The following HDAC9 variants were observed in gnomAD, a reference collection of about 807,000 sequenced individuals.
HDAC9 encodes the protein histone deacetylase 9.
HDAC9 carries 41 observed loss-of-function variants against 139.4 expected under a neutral mutation model. The observed-to-expected ratio is 0.29, with a 90% CI of 0.23 to 0.38. The LOEUF is 0.38. Among genes scored for constraint, HDAC9 ranks in the 10% least tolerant of loss-of-function variants. HDAC9 has a pLI of 1.00. For missense variants in HDAC9, 1,147 were observed against 1,297.0 expected (o/e 0.88, Z 1.78); for synonymous variants, 517 against 476.2 (o/e 1.09, Z -1.12).
chr7:18,682,376 T>C (rs1486657589), intron 12 of HDAC9, among the ~76,000 whole-genome samples: 1 of 152,054 alleles, frequency 6.6e-6, no homozygotes, highest in South Asian at 2.1e-4. Context: ...TTGTGTATGA[T>C]TAATTTTTCA....
chr7:18,260,233 C>T (rs1365774040), intron 2 of HDAC9, among the ~76,000 whole-genome samples: 1 of 151,000 alleles, frequency 6.6e-6, no homozygotes. Context: ...TATGACCATG[C>T]TTCTGAGTAT....
chr7:18,528,462 C>A (rs1345948807), intron 2 of HDAC9, among the ~76,000 whole-genome samples: 2 of 151,896 alleles, frequency 1.3e-5, no homozygotes, highest in African/African-American at 4.8e-5. Flanking sequence ...GGTTTTCAGA[C>A]CAAATGGACT....
intron 1 of HDAC9, among the ~76,000 whole-genome samples, chr7:18,144,500 T>C (rs1786150530): frequency 6.6e-6 from 1 of 152,184 alleles, no homozygotes; most frequent in South Asian, 2.1e-4. Flanking sequence ...TAATTCAGTC[T>C]CCCTTTCTCT....
chr7:18,563,680 A>G (rs1364475663), intron 2 of HDAC9, among the ~76,000 whole-genome samples: 1 of 151,958 alleles, frequency 6.6e-6, no homozygotes, highest in Non-Finnish European at 1.5e-5. Context: ...CATACTCTAT[A>G]TCTTTGGTAT....
chr7:18,249,502 C>CAAAAAAAAAAAAAA (rs3058733), intron 2 of HDAC9, among the ~76,000 whole-genome samples: 1 of 58,588 alleles, frequency 1.7e-5, no homozygotes, highest in African/African-American at 4.7e-5. Flanking sequence ...GACTCTGTCT[C>CAAAAAAAAAAAAAA]AAAAAAAAAA....
intron 15 of HDAC9, 31 bp downstream of exon 15, chr7:18,762,308 A>C: frequency 1.2e-6 from 2 of 1,606,446 alleles, no homozygotes; most frequent in Non-Finnish European, 1.7e-6. Flanking sequence ...TACTGGGAAC[A>C]GCACATTCCA....
intron 2 of HDAC9, chr7:18,502,634 A>C (rs1462612858): frequency 2.0e-5 from 3 of 152,190 alleles, no homozygotes; most frequent in Admixed American, 6.5e-5. Context: ...CTGTTTAAAT[A>C]CTAATGTAAG....
At chr7:18,117,271 G>A (rs1158222504) in intron 1 of HDAC9, among the ~76,000 whole-genome samples, 7 of 151,942 alleles carry the variant, frequency 4.6e-5, no homozygotes, top group Admixed American at 3.9e-4. Flanking sequence ...AAGAAGAGAA[G>A]GTCAGGAGAT....
intron 1 of HDAC9, among the ~76,000 whole-genome samples, chr7:18,112,881 A>G (rs1783719561): frequency 6.6e-6 from 1 of 152,196 alleles, no homozygotes; most frequent in Non-Finnish European, 1.5e-5. Flanking sequence ...CTAGGTTGGT[A>G]GGTAGTCAGA....
intron 2 of HDAC9, among the ~76,000 whole-genome samples, chr7:18,255,732 A>G (rs302135): frequency 0.79 from 119,344 of 150,618 alleles, 47,376 homozygotes; most frequent in South Asian, 0.88. Context: ...GGTTTCAAGC[A>G]ACTCTCCTGC....
intron 11 of HDAC9, among the ~76,000 whole-genome samples, chr7:18,662,925 G>T (rs1286627356): frequency 2.6e-5 from 4 of 152,060 alleles, no homozygotes; most frequent in Non-Finnish European, 5.9e-5. Flanking sequence ...GTTTGGCAGA[G>T]ATTTAGTATT....
At chr7:18,891,468 G>C (rs1271866165) in intron 22 of HDAC9, among the ~76,000 whole-genome samples, 1 of 152,142 alleles carries the variant, frequency 6.6e-6, no homozygotes, top group African/African-American at 2.4e-5. Context: ...GGGACTATTT[G>C]GCACTTGGGT....
intron 17 of HDAC9, among the ~76,000 whole-genome samples, chr7:18,803,192 C>T (rs543606661): frequency 6.6e-6 from 1 of 152,030 alleles, no homozygotes; most frequent in East Asian, 1.9e-4. Flanking sequence ...CTACTTATAA[C>T]ACATCCTAAA....
intron 22 of HDAC9, among the ~76,000 whole-genome samples, chr7:18,912,532 T>C (rs773934017): frequency 1.8e-4 from 28 of 152,056 alleles, no homozygotes; most frequent in Non-Finnish European, 3.7e-4. Context: ...TGATTTTGCT[T>C]TCCTGGGGAT....
At chr7:18,489,123 A>T (rs749244094) in intron 1 of HDAC9, among the ~76,000 whole-genome samples, 13 of 152,088 alleles carry the variant, frequency 8.5e-5, no homozygotes, top group Non-Finnish European at 1.3e-4. Context: ...TGAAGAAGGA[A>T]TCATTTATTC....
At chr7:18,755,868 C>T (rs893266468) in intron 14 of HDAC9, among the ~76,000 whole-genome samples, 12 of 152,102 alleles carry the variant, frequency 7.9e-5, no homozygotes, top group Admixed American at 2.6e-4. Context: ...ACATGAAAGG[C>T]ACTTAACATT....
At chr7:18,335,307 A>G (rs1478820408) in intron 1 of HDAC9, among the ~76,000 whole-genome samples, 4 of 151,556 alleles carry the variant, frequency 2.6e-5, no homozygotes, top group Non-Finnish European at 1.5e-5. Context: ...CAGAGAGATA[A>G]AAATACTGAT....
At chr7:18,465,021 T>G (rs1794152681) in intron 1 of HDAC9, among the ~76,000 whole-genome samples, 1 of 152,052 alleles carries the variant, frequency 6.6e-6, no homozygotes, top group Non-Finnish European at 1.5e-5. Flanking sequence ...TTTTGGGCAC[T>G]TAGGATCTTT....
chr7:18,483,744 A>T (rs1795756733), intron 1 of HDAC9, among the ~76,000 whole-genome samples: 1 of 152,144 alleles, frequency 6.6e-6, no homozygotes. Context: ...AAATTTTCTA[A>T]AACTGATGCT....
Sources: allele counts gnomAD v4.1 joint callset (sites outside exome capture counted in the v4.1 genomes callset), GRCh38; gene constraint gnomAD v4.1.1; transcripts MANE v1.5; gene names NCBI Gene and HGNC (gene_info 2026-07-23, HGNC 2026-07-21).